ZNF469: variants seen among roughly 807,000 people sequenced by gnomAD.
The protein encoded by ZNF469 is zinc finger protein 469.
In ZNF469, 1 loss-of-function variant was observed where a neutral mutation model predicts 1.0. The ratio of observed to expected loss-of-function variants is 1.00; its 90% confidence interval spans 0.35 to 4.73. The LOEUF (loss-of-function observed/expected upper bound fraction) is 4.73. Among genes scored for constraint, ZNF469 ranks in the 30% most tolerant of loss-of-function variants. The probability of loss-of-function intolerance (pLI) is 0.16; values close to 1 mark genes in which losing one functional copy is unlikely to be tolerated. For missense variants in ZNF469, 6,100 were observed against 5,356.3 expected, an observed-to-expected ratio of 1.14 and a Z score of -4.33; for synonymous variants, 2,703 against 2,363.4, an observed-to-expected ratio of 1.14 and a Z score of -4.17.
At chr16:88,392,889 G>A (rs73249805) in intron 1 of ZNF469, among the ~76,000 whole-genome samples, 3,346 of 152,078 alleles carry the variant, frequency 0.022, 115 homozygotes, top group African/African-American at 0.077. Flanking sequence ...TTGTAGATCT[G>A]TGGTTTGCCT....
chr16:88,153,299 C>T, the ZNF469 span, among the ~76,000 whole-genome samples: 1 of 152,198 alleles, frequency 6.6e-6, no homozygotes, highest in Non-Finnish European at 1.5e-5. Flanking sequence ...GTGCTGGGCT[C>T]CACACTGAGC....
chr16:88,430,896 G>C lies in ZNF469; in HGVS notation c.3426G>C (p.Ala1142=). The C allele has an allele frequency of 1.3e-6, 2 of 1,537,708 alleles. No individual in the cohort carries two copies. The highest frequency in any genetic ancestry group is 1.7e-6 in the Non-Finnish European group (2 of 1,145,966). The change falls in exon 3 of 3, where the codon GCG becomes GCC. Residue 1142 remains alanine, a synonymous_variant. Transcript: ENST00000565624. ...EDEPQKPRKA[A]RQEAGGDGAP... ...AGCCACAGAAACCCCGGAAGGCGGC[G>C]AGGCAGGAAGCCGGCGGGGACGGAG... is the stretch of plus-strand genomic sequence containing the variant.
chr16:88,204,190 G>T, the ZNF469 span, among the ~76,000 whole-genome samples: 1 of 150,164 alleles, frequency 6.7e-6, no homozygotes, highest in Non-Finnish European at 1.5e-5. Context: ...GCAGCCGGAG[G>T]CGCCCCGTAA....
At position 88,438,931 on chromosome 16, in the gene ZNF469, C is replaced by G; in HGVS notation, c.11461C>G (p.Gln3821Glu). ...GESSTKRKKGQVPGPARSESV... is the reference protein window; with the variant it reads ...GESSTKRKKGEVPGPARSESV... ...GAGCAGTACGAAGAGGAAAAAGGGC[C>G]AGGTCCCAGGGCCAGCCAGGAGTGA... The change falls in exon 3 of 3, where the codon CAG becomes GAG. Residue 3821 changes from glutamine (Q) to glutamate (E), a missense_variant. By Grantham distance (29) the Gln-to-Glu change is conservative. Transcript: ENST00000565624. 2 of 1,550,548 alleles carry G rather than the reference C, an allele frequency of 1.3e-6. No homozygotes were observed. Among genetic ancestry groups the G allele is most frequent in the Non-Finnish European group, 1.7e-6 (2 of 1,146,986 alleles).
At chr16:88,157,793 GTCAT>G in the ZNF469 span, among the ~76,000 whole-genome samples, 54 of 152,084 alleles carry the variant, frequency 3.6e-4, no homozygotes, top group African/African-American at 1.3e-3. Context: ...CTCCCTGTGT[GTCAT>G]TGTTATATGA....
At position 88,432,139 on chromosome 16, in the gene ZNF469, C is replaced by T; in HGVS notation, c.4669C>T (p.Leu1557=). 7 of 1,550,402 alleles carry T rather than the reference C, an allele frequency of 4.5e-6. No individual in the cohort carries two copies. Among genetic ancestry groups the T allele is most frequent in the Non-Finnish European group, 6.1e-6 (7 of 1,146,990 alleles). ...SGCSVALMSH[L]SEDELEIQKL... is the part of the protein sequence containing the mutation. ...ATGTAGCGTTGCTCTTATGAGTCAC[C>T]TGTCCGAGGATGAACTGGAGATCCA... Residue 1557 remains leucine (L), a synonymous_variant, in exon 3 of 3, where the codon CTG becomes TTG. Coordinates refer to ENST00000565624, the MANE Select transcript of ZNF469 (RefSeq NM_001367624.2).
chr16:88,242,778 T>C, the ZNF469 span, among the ~76,000 whole-genome samples: 1 of 152,234 alleles, frequency 6.6e-6, no homozygotes, highest in Non-Finnish European at 1.5e-5. Context: ...ACATGGGGCT[T>C]GGCACTGTCT....
At chr16:88,117,573 C>G in the ZNF469 span, among the ~76,000 whole-genome samples, 19 of 22,198 alleles carry the variant, frequency 8.6e-4, no homozygotes, top group South Asian at 2.9e-3. Context: ...CGTGCCTTCA[C>G]GGACCGTGGA....
the ZNF469 span, among the ~76,000 whole-genome samples, chr16:88,250,980 C>G: frequency 1.3e-5 from 2 of 152,132 alleles, no homozygotes; most frequent in Middle Eastern, 3.2e-3. Flanking sequence ...CGGGTTCAAG[C>G]GATTCTCCTG....
In ZNF469 at chr16:88,432,121, G is replaced by A. The variant is rs143740518; in HGVS notation, c.4651G>A (p.Val1551Ile). The change falls in exon 3 of 3, where the codon GTT (valine) becomes ATT (isoleucine). Residue 1551 changes from valine (V) to isoleucine (I), a missense_variant. Val to Ile is a conservative substitution (Grantham distance 29). Coordinates refer to ENST00000565624, the MANE Select transcript of ZNF469 (RefSeq NM_001367624.2). ...SLPGKGSGCS[V>I]ALMSHLSEDE... ...GCCTGGGAAGGGGAGTGGATGTAGC[G>A]TTGCTCTTATGAGTCACCTGTCCGA... 6.4e-5 allele frequency: 99 copies of A among 1,550,416 alleles called. No homozygotes were observed. Among genetic ancestry groups the A allele is most frequent in the Admixed American group, 3.9e-4 (20 of 51,012 alleles).
the ZNF469 span, among the ~76,000 whole-genome samples, chr16:88,124,708 C>T: frequency 6.6e-6 from 1 of 152,234 alleles, no homozygotes; most frequent in South Asian, 2.1e-4. Flanking sequence ...CCTCAGTCTC[C>T]CGAGTAGGTG....
At chr16:88,366,447 C>A in the ZNF469 span, among the ~76,000 whole-genome samples, 1 of 151,680 alleles carries the variant, frequency 6.6e-6, no homozygotes, top group Non-Finnish European at 1.5e-5. Flanking sequence ...CAACCACCAT[C>A]ATCACCACTA....
the ZNF469 span, among the ~76,000 whole-genome samples, chr16:88,377,879 T>C: frequency 1.5e-5 from 2 of 133,172 alleles, no homozygotes; most frequent in Non-Finnish European, 3.0e-5. Context: ...TTGTTGTTGT[T>C]GTTTGATGCC....
the ZNF469 span, among the ~76,000 whole-genome samples, chr16:88,329,814 T>C: frequency 6.6e-6 from 1 of 152,212 alleles, no homozygotes; most frequent in African/African-American, 2.4e-5. Flanking sequence ...CTGAAACCTT[T>C]CCTGGGATGC....
the ZNF469 span, among the ~76,000 whole-genome samples, chr16:88,291,659 C>G: frequency 6.6e-6 from 1 of 152,072 alleles, no homozygotes; most frequent in Admixed American, 6.5e-5. Context: ...AGACGCCCCC[C>G]TTCATAGCCC....
At chr16:88,419,074 C>G (rs781186872) in intron 1 of ZNF469, among the ~76,000 whole-genome samples, 1 of 152,198 alleles carries the variant, frequency 6.6e-6, no homozygotes, top group Non-Finnish European at 1.5e-5. Context: ...GGGGCACAGC[C>G]GAACTCCTCC....
the ZNF469 span, among the ~76,000 whole-genome samples, chr16:88,123,855 G>C: frequency 6.6e-6 from 1 of 152,166 alleles, no homozygotes; most frequent in Non-Finnish European, 1.5e-5. Context: ...CCAGGCTGGA[G>C]TGCAATGGAG....
At chr16:88,255,543 A>G in the ZNF469 span, among the ~76,000 whole-genome samples, 4 of 152,236 alleles carry the variant, frequency 2.6e-5, no homozygotes, top group African/African-American at 9.6e-5. Context: ...CTCTCTCATT[A>G]TCAACATCCC....
chr16:88,388,622 C>T (rs1025661753), intron 1 of ZNF469, among the ~76,000 whole-genome samples: 11 of 152,258 alleles, frequency 7.2e-5, no homozygotes, highest in Non-Finnish European at 2.9e-5. Flanking sequence ...TTGCTAAGAT[C>T]CCAGCCAGAG....
Sources: gnomAD v4.1 joint callset for allele counts (sites outside exome capture counted in the v4.1 genomes callset) on GRCh38, gnomAD v4.1.1 for gene constraint, MANE v1.5 for transcripts, NCBI Gene and HGNC (gene_info 2026-07-23, HGNC 2026-07-21) for gene names.